The following KLHL32 variants were observed in gnomAD, a reference collection of about 807,000 sequenced individuals.
The protein encoded by KLHL32 is kelch-like protein 32.
A neutral mutation model predicts 64.8 loss-of-function variants in KLHL32; 35 were observed. That is an observed-to-expected ratio of 0.54 (90% CI 0.41 to 0.72). The LOEUF (loss-of-function observed/expected upper bound fraction) is 0.72. KLHL32 is among the 30% of genes least tolerant of loss of function. The probability of loss-of-function intolerance (pLI) is 0.00; values close to 1 mark genes in which losing one functional copy is unlikely to be tolerated. For synonymous variants in KLHL32, 259 were observed against 281.0 expected, an observed-to-expected ratio of 0.92 and a Z score of 0.78; for missense variants, 589 against 768.5, an observed-to-expected ratio of 0.77 and a Z score of 2.76.
intron 2 of KLHL32, among the ~76,000 whole-genome samples, chr6:96,970,668 A>C (rs1775010655): frequency 6.6e-6 from 1 of 152,190 alleles, no homozygotes; most frequent in Non-Finnish European, 1.5e-5. Flanking sequence ...GGGTAAATGA[A>C]TGAGGGAAGG....
intron 10 of KLHL32, among the ~76,000 whole-genome samples, chr6:97,136,626 CTG>C (rs1249409412): frequency 6.6e-6 from 1 of 152,154 alleles, no homozygotes; most frequent in East Asian, 1.9e-4. Flanking sequence ...AGTGATTAGT[CTG>C]TGTTTCTAGA....
intron 1 of KLHL32, among the ~76,000 whole-genome samples, chr6:96,934,116 G>A (rs1770272900): frequency 1.3e-5 from 2 of 152,166 alleles, no homozygotes; most frequent in Non-Finnish European, 2.9e-5. Context: ...GGGCATTGTA[G>A]GACCTTGCGT....
chr6:97,137,755 C>T (rs542867395), intron 10 of KLHL32, among the ~76,000 whole-genome samples: 1 of 152,180 alleles, frequency 6.6e-6, no homozygotes, highest in Admixed American at 6.5e-5. Context: ...AGGATGGTCT[C>T]GATCTCCTGG....
chr6:97,115,013 A>AGTT (rs890288997), intron 7 of KLHL32, among the ~76,000 whole-genome samples: 1 of 152,196 alleles, frequency 6.6e-6, no homozygotes, highest in South Asian at 2.1e-4. Context: ...ACCAAAACAA[A>AGTT]GTTGTTGTTG....
At chr6:96,968,394 A>C (rs34398537) in intron 2 of KLHL32, among the ~76,000 whole-genome samples, 29,872 of 151,572 alleles carry the variant, frequency 0.2, 3,155 homozygotes, top group South Asian at 0.27. Flanking sequence ...ACAAAAACAA[A>C]AAAAAAAACA....
At chr6:96,961,469 A>G (rs1243185164) in intron 1 of KLHL32, among the ~76,000 whole-genome samples, 1 of 152,220 alleles carries the variant, frequency 6.6e-6, no homozygotes, top group Admixed American at 6.5e-5. Context: ...CCTATAGGAC[A>G]CTTACTTTTT....
At chr6:97,121,127 A>C (rs551627441) in intron 7 of KLHL32, among the ~76,000 whole-genome samples, 33 of 152,272 alleles carry the variant, frequency 2.2e-4, no homozygotes, top group African/African-American at 7.9e-4. Flanking sequence ...ATTTACCCTC[A>C]CATCACTGCC....
At chr6:97,029,855 C>G (rs1783278598) in intron 3 of KLHL32, among the ~76,000 whole-genome samples, 1 of 152,130 alleles carries the variant, frequency 6.6e-6, no homozygotes, top group Admixed American at 6.6e-5. Context: ...TTTGTTGATT[C>G]AGAAGTTAGT....
chr6:97,035,894 G>C (rs1737629), intron 3 of KLHL32, among the ~76,000 whole-genome samples: 27,338 of 151,910 alleles, frequency 0.18, 2,935 homozygotes, highest in African/African-American at 0.31. Context: ...GAATGTTTTT[G>C]GTAATTATTC....
intron 3 of KLHL32, among the ~76,000 whole-genome samples, chr6:96,985,276 C>G (rs1359298439): frequency 6.6e-6 from 1 of 152,176 alleles, no homozygotes; most frequent in Non-Finnish European, 1.5e-5. Flanking sequence ...TGTGGGTAAC[C>G]TGGTCTTTCT....
intron 1 of KLHL32, among the ~76,000 whole-genome samples, chr6:96,952,256 T>C (rs1416089857): frequency 6.6e-6 from 1 of 152,236 alleles, no homozygotes; most frequent in East Asian, 1.9e-4. Flanking sequence ...TTCTTAAATG[T>C]ATGTATAGCT....
intron 4 of KLHL32, among the ~76,000 whole-genome samples, chr6:97,046,678 G>T (rs532391926): frequency 6.6e-6 from 1 of 152,302 alleles, no homozygotes; most frequent in East Asian, 1.9e-4. Context: ...GGACACAGCT[G>T]ATGGCAAAAA....
the KLHL32 span, among the ~76,000 whole-genome samples, chr6:96,918,308 G>A: frequency 6.6e-6 from 1 of 152,140 alleles, no homozygotes; most frequent in Non-Finnish European, 1.5e-5. Context: ...GCTAGTTTCT[G>A]TTAATCAGAC....
intron 3 of KLHL32, among the ~76,000 whole-genome samples, chr6:96,985,311 C>T (rs1776880799): frequency 6.6e-6 from 1 of 152,090 alleles, no homozygotes; most frequent in Non-Finnish European, 1.5e-5. Flanking sequence ...ATCATTTTTT[C>T]CTTCATTTCA....
chr6:97,033,696 G>A (rs1325441973), intron 3 of KLHL32, among the ~76,000 whole-genome samples: 1 of 151,912 alleles, frequency 6.6e-6, no homozygotes. Flanking sequence ...CTTATCTTCT[G>A]TCTTTTTGGT....
At chr6:96,909,658 A>C in the KLHL32 span, among the ~76,000 whole-genome samples, 1 of 152,240 alleles carries the variant, frequency 6.6e-6, no homozygotes, top group East Asian at 1.9e-4. Flanking sequence ...ACTAGAACTC[A>C]GGTATACTGA....
At chr6:96,978,889 T>C (rs1198808278) in intron 3 of KLHL32, among the ~76,000 whole-genome samples, 5 of 152,174 alleles carry the variant, frequency 3.3e-5, no homozygotes, top group Admixed American at 3.3e-4. Flanking sequence ...ATTTCTCTAA[T>C]GATTAGTAAT....
chr6:97,129,456 T>A (rs916266002), intron 8 of KLHL32, among the ~76,000 whole-genome samples: 4 of 152,210 alleles, frequency 2.6e-5, no homozygotes, highest in African/African-American at 9.6e-5. Context: ...AAAATTAAAG[T>A]CATATTTGGT....
intron 5 of KLHL32, among the ~76,000 whole-genome samples, chr6:97,081,960 G>C (rs191384628): frequency 6.6e-6 from 1 of 152,110 alleles, no homozygotes; most frequent in Non-Finnish European, 1.5e-5. Context: ...GCAGTGCCCC[G>C]GTCATGGAAG....
Sources: allele counts gnomAD v4.1 joint callset (sites outside exome capture counted in the v4.1 genomes callset), GRCh38; gene constraint gnomAD v4.1.1; transcripts MANE v1.5; gene names NCBI Gene and HGNC (gene_info 2026-07-23, HGNC 2026-07-21).